The following KCNIP3 variants were observed in gnomAD, a reference collection of about 807,000 sequenced individuals.
KCNIP3 encodes the protein potassium voltage-gated channel interacting protein 3.
In KCNIP3, 28 loss-of-function variants were observed where a neutral mutation model predicts 35.0. The ratio of observed to expected loss-of-function variants is 0.80; its 90% CI spans 0.59 to 1.10. The LOEUF (loss-of-function observed/expected upper bound fraction) is 1.10, where lower values mean the gene tolerates loss of function less well. KCNIP3 is among the 50% of genes least tolerant of loss of function. KCNIP3 has a pLI of 0.00. For missense variants in KCNIP3, 295 were observed against 338.4 expected, an observed-to-expected ratio of 0.87 and a Z score of 1.01; for synonymous variants, 134 against 133.8, an observed-to-expected ratio of 1.00 and a Z score of -0.01.
Position 95,369,450 on chromosome 2 carries a change from G to T in KCNIP3, c.182-4846G>T, listed in dbSNP as rs189586952. ...ATCTTTTTCACCTGGGATGAATTTG[G>T]GTAGTCTGTAATTTTTCAGGAATTG... On this transcript the variant is annotated intron_variant, in intron 2 of 8. Coordinates refer to ENST00000295225, the MANE Select transcript of KCNIP3 (RefSeq NM_013434.5). 1.4e-4 allele frequency among the ~76,000 whole-genome samples: 21 copies of T among 152,126 alleles called. No homozygotes were observed. In the East Asian group the frequency reaches 3.9e-3, roughly 28 times the overall value.
At chr2:95,381,725 G>A in intron 6 of KCNIP3, 22 bp downstream of exon 6, 1 of 1,516,100 alleles carries the variant, frequency 6.6e-7, no homozygotes. Context: ...CTGGGGGCAG[G>A]GATTGTCCCC....
chr2:95,311,175 TC>T, intron 2 of KCNIP3: 1 of 157,128 alleles, frequency 6.4e-6, no homozygotes, highest in Admixed American at 6.1e-5. Flanking sequence ...CCCCACGATC[TC>T]ACACACACAT....
intron 2 of KCNIP3, among the ~76,000 whole-genome samples, chr2:95,327,063 G>T (rs1678813485): frequency 1.3e-5 from 2 of 152,226 alleles, no homozygotes; most frequent in South Asian, 4.1e-4. Context: ...TCTCTTGCCG[G>T]AGGACTGAAG....
At chr2:95,383,919 A>C (rs1680416357) in intron 8 of KCNIP3, 83 bp from the exon 9 acceptor site, 3 of 1,194,894 alleles carry the variant, frequency 2.5e-6, no homozygotes, top group East Asian at 2.3e-5. Flanking sequence ...GCAGGCTCCG[A>C]GTCCCTGGCG....
At chr2:95,333,195 G>T (rs964293695) in intron 2 of KCNIP3, among the ~76,000 whole-genome samples, 1 of 152,236 alleles carries the variant, frequency 6.6e-6, no homozygotes, top group Admixed American at 6.5e-5. Context: ...CCCGGCCACA[G>T]ACTTGGCCAT....
At chr2:95,383,863 C>A in intron 8 of KCNIP3, 139 bp from the exon 9 acceptor site, 2 of 757,884 alleles carry the variant, frequency 2.6e-6, no homozygotes, top group Non-Finnish European at 4.7e-6. Context: ...ACCTCCCTGT[C>A]CCCCAGCTCC....
chr2:95,380,923 G>C (rs1241092619), intron 5 of KCNIP3, among the ~76,000 whole-genome samples: 1 of 152,174 alleles, frequency 6.6e-6, no homozygotes, highest in South Asian at 2.1e-4. Flanking sequence ...TGAGGTGGAG[G>C]ATCGCTTGAG....
At chr2:95,345,431 C>A (rs1430189241) in intron 2 of KCNIP3, among the ~76,000 whole-genome samples, 1 of 152,260 alleles carries the variant, frequency 6.6e-6, no homozygotes, top group Non-Finnish European at 1.5e-5. Flanking sequence ...CCGCGGCTCC[C>A]ACCCCACCCA....
intron 2 of KCNIP3, 99 bp from the exon 3 acceptor site, chr2:95,374,197 C>A: frequency 6.9e-7 from 1 of 1,448,276 alleles, no homozygotes; most frequent in South Asian, 1.3e-5. Flanking sequence ...AAAGAGAGTT[C>A]CTCCACCTGC....
At chr2:95,352,652 C>T (rs1287135436) in intron 2 of KCNIP3, among the ~76,000 whole-genome samples, 3 of 152,158 alleles carry the variant, frequency 2.0e-5, no homozygotes, top group Non-Finnish European at 4.4e-5. Context: ...CTGTAAACTT[C>T]CTCTGCCCTC....
chr2:95,349,202 A>G (rs767810037), intron 2 of KCNIP3, among the ~76,000 whole-genome samples: 35 of 152,062 alleles, frequency 2.3e-4, no homozygotes, highest in Non-Finnish European at 7.4e-5. Flanking sequence ...GGCAGTGTCT[A>G]AGGAACTGTC....
chr2:95,310,890 G>A (rs746994662), intron 2 of KCNIP3: 27 of 305,458 alleles, frequency 8.8e-5, no homozygotes, highest in Non-Finnish European at 1.3e-4. Context: ...TAAGCCTTCC[G>A]TGAGAAGCCA....
intron 2 of KCNIP3, among the ~76,000 whole-genome samples, chr2:95,334,471 G>A (rs1257027427): frequency 6.6e-6 from 1 of 152,180 alleles, no homozygotes; most frequent in Non-Finnish European, 1.5e-5. Flanking sequence ...TCTCCCTACC[G>A]TCACTATCCT....
chr2:95,374,086 G>C (rs530467048), intron 2 of KCNIP3, among the ~76,000 whole-genome samples: 2 of 152,374 alleles, frequency 1.3e-5, no homozygotes, highest in South Asian at 4.1e-4. Context: ...GGCCCGCCCT[G>C]TGGGGGGCAG....
intron 1 of KCNIP3, among the ~76,000 whole-genome samples, chr2:95,306,579 C>T (rs542417182): frequency 7.2e-5 from 11 of 152,218 alleles, no homozygotes; most frequent in African/African-American, 1.4e-4. Flanking sequence ...GGACCTGAGC[C>T]GTGAGTGAGG....
chr2:95,354,362 T>A (rs947457586), intron 2 of KCNIP3, among the ~76,000 whole-genome samples: 3 of 152,234 alleles, frequency 2.0e-5, no homozygotes, highest in Admixed American at 6.5e-5. Context: ...TAGCACGCAC[T>A]TATTGGACAT....
chr2:95,346,712 C>T (rs961571065), intron 2 of KCNIP3: 2 of 147,654 alleles, frequency 1.4e-5, no homozygotes, highest in Non-Finnish European at 3.0e-5. Flanking sequence ...CGCTGGCCGT[C>T]CGCGCTGCGT....
At chr2:95,337,988 C>A (rs779363032) in intron 2 of KCNIP3, among the ~76,000 whole-genome samples, 1 of 152,202 alleles carries the variant, frequency 6.6e-6, no homozygotes, top group Admixed American at 6.5e-5. Flanking sequence ...AGCAGGAGAA[C>A]AAACAGTGAA....
intron 2 of KCNIP3, among the ~76,000 whole-genome samples, chr2:95,345,803 T>G (rs1679340888): frequency 6.6e-6 from 1 of 152,204 alleles, no homozygotes; most frequent in African/African-American, 2.4e-5. Context: ...CTCCCCTATT[T>G]TCTCCTTCCT....
Sources: gnomAD v4.1 joint callset for allele counts (sites outside exome capture counted in the v4.1 genomes callset) on GRCh38, gnomAD v4.1.1 for gene constraint, MANE v1.5 for transcripts, NCBI Gene and HGNC (gene_info 2026-07-23, HGNC 2026-07-21) for gene names.